Variants in NKD1 observed in about 807,000 individuals in gnomAD.
NKD1 encodes the protein protein naked cuticle homolog 1.
Under a neutral mutation model 56.0 loss-of-function variants are expected in NKD1, and 21 were observed. The ratio of observed to expected loss-of-function variants is 0.38; its 90% confidence interval spans 0.27 to 0.54. NKD1 has a LOEUF of 0.54. Among genes scored for constraint, NKD1 ranks in the 20% least tolerant of loss-of-function variants. The pLI, the probability that NKD1 is intolerant of heterozygous loss-of-function variation, is 0.82. For synonymous variants in NKD1, 263 were observed against 265.7 expected (o/e 0.99, Z 0.10); for missense variants, 578 against 642.7 (o/e 0.90, Z 1.09).
At chr16:50,566,129 T>TGGTTAAGTA (rs1960753734) in intron 3 of NKD1, 1 of 984,858 alleles carries the variant, frequency 1.0e-6, no homozygotes. Context: ...GGGGAGCTTG[T>TGGTTAAGTA]GGTTAAGTAG....
At chr16:50,579,312 C>T (rs1254839400) in intron 3 of NKD1, among the ~76,000 whole-genome samples, 5 of 148,284 alleles carry the variant, frequency 3.4e-5, no homozygotes, top group African/African-American at 1.3e-4. Flanking sequence ...GCGGGCTACC[C>T]GCTACACACG....
At chr16:50,603,433 G>A (rs986501260) in intron 3 of NKD1, among the ~76,000 whole-genome samples, 1 of 152,234 alleles carries the variant, frequency 6.6e-6, no homozygotes, top group Non-Finnish European at 1.5e-5. Flanking sequence ...CAGCTCCAGG[G>A]TAGGCTGCTC....
At chr16:50,620,215 C>T (rs890201879) in intron 4 of NKD1, among the ~76,000 whole-genome samples, 10 of 152,270 alleles carry the variant, frequency 6.6e-5, no homozygotes, top group Non-Finnish European at 1.0e-4. Context: ...GCTCCCAGTT[C>T]GCAGGACCAG....
intron 3 of NKD1, among the ~76,000 whole-genome samples, chr16:50,570,409 T>A (rs1231727156): frequency 6.6e-6 from 1 of 152,144 alleles, no homozygotes; most frequent in Admixed American, 6.5e-5. Context: ...GATATTAAAA[T>A]GTTATGGTCT....
At chr16:50,607,168 G>T in intron 3 of NKD1, 1 of 356,632 alleles carries the variant, frequency 2.8e-6, no homozygotes, top group Non-Finnish European at 5.6e-6. Context: ...AGATTTGAAA[G>T]AAGAAAGAGA....
At chr16:50,589,131 T>C (rs1961293784) in intron 3 of NKD1, among the ~76,000 whole-genome samples, 1 of 152,166 alleles carries the variant, frequency 6.6e-6, no homozygotes, top group African/African-American at 2.4e-5. Flanking sequence ...AGCACTCAGA[T>C]CTTCCTCGTT....
chr16:50,572,132 TCTC>T (rs1371367542), intron 3 of NKD1, among the ~76,000 whole-genome samples: 7 of 152,292 alleles, frequency 4.6e-5, no homozygotes, highest in East Asian at 3.9e-4. Flanking sequence ...TGTGGTTCCT[TCTC>T]CTAACATCCT....
chr16:50,614,560 T>C (rs1961920230), intron 4 of NKD1, among the ~76,000 whole-genome samples: 1 of 152,168 alleles, frequency 6.6e-6, no homozygotes, highest in Non-Finnish European at 1.5e-5. Context: ...GGAAGAAAGT[T>C]CCCAGGTCAC....
chr16:50,615,813 C>T (rs1567349947), intron 4 of NKD1, among the ~76,000 whole-genome samples: 1 of 152,234 alleles, frequency 6.6e-6, no homozygotes, highest in Non-Finnish European at 1.5e-5. Context: ...TGTGGTACTA[C>T]TAACTTCACC....
chr16:50,620,531 AGCC>A (rs1454863877), intron 4 of NKD1, among the ~76,000 whole-genome samples: 8 of 152,120 alleles, frequency 5.3e-5, no homozygotes, highest in Admixed American at 2.6e-4. Context: ...CCGGAGTAGG[AGCC>A]AGGCTGTTTC....
intron 3 of NKD1, chr16:50,571,122 C>A: frequency 2.3e-6 from 1 of 437,114 alleles, no homozygotes; most frequent in Non-Finnish European, 3.0e-6. Flanking sequence ...TGCCCATGGC[C>A]TGCTCAACAC....
chr16:50,561,485 C>A (rs369702212), intron 3 of NKD1, among the ~76,000 whole-genome samples: 1 of 151,864 alleles, frequency 6.6e-6, no homozygotes, highest in Non-Finnish European at 1.5e-5. Flanking sequence ...GGAGGGTCAA[C>A]TTGTCTGTGG....
chr16:50,548,907 C>T, intron 2 of NKD1, 158 bp downstream of exon 2: 1 of 846,560 alleles, frequency 1.2e-6, no homozygotes, highest in Non-Finnish European at 1.4e-6. Context: ...AGCCTTCGCG[C>T]CCCCTCCTCT....
chr16:50,611,420 C>T (rs1961844764), intron 4 of NKD1, among the ~76,000 whole-genome samples: 1 of 146,024 alleles, frequency 6.8e-6, no homozygotes, highest in African/African-American at 2.8e-5. Context: ...AGCCCCTCCT[C>T]CTCGGGACCA....
At position 50,637,271 on chromosome 16, in the gene NKD1, A is replaced by G. The variant is rs1012106146; in HGVS notation, c.*3490A>G. The G allele has an allele frequency of 1.3e-5, 2 of 152,218 alleles. No homozygotes were observed. Among genetic ancestry groups the G allele is most frequent in the Admixed American group, 1.3e-4 (2 of 15,280 alleles). The allele number at this position is 152,218 out of a possible 1,614,324, so 9.4% of individuals were successfully genotyped here. A position where few individuals can be genotyped will look rare whatever the true frequency, so the allele number is the denominator to read the frequency against. On this transcript the variant is annotated 3_prime_UTR_variant, in exon 10 of 10. Transcript: ENST00000268459. ...TTGATGAGATTGTACATGACCTCTA[A>G]AAGAGGTTATACTGGCCGGGCACGG... is the stretch of plus-strand genomic sequence containing the variant.
At chr16:50,589,692 CTTT>C (rs1961307025) in intron 3 of NKD1, among the ~76,000 whole-genome samples, 1 of 144,496 alleles carries the variant, frequency 6.9e-6, no homozygotes, top group Non-Finnish European at 1.5e-5. Flanking sequence ...GCTTTCTTTT[CTTT>C]TCTCTTCTCT....
chr16:50,582,990 C>T (rs939559371), intron 3 of NKD1, among the ~76,000 whole-genome samples: 7 of 152,044 alleles, frequency 4.6e-5, no homozygotes, highest in East Asian at 1.9e-4. Context: ...CTGGCGACAG[C>T]GCGAGACTCC....
At chr16:50,548,661 C>A in intron 1 of NKD1, 56 bp from the exon 2 acceptor site, 1 of 1,465,560 alleles carries the variant, frequency 6.8e-7, no homozygotes, top group East Asian at 3.0e-5. Flanking sequence ...TCCTTTCTTT[C>A]CTTCTCCCGC....
At chr16:50,592,800 A>G (rs1446682914) in intron 3 of NKD1, among the ~76,000 whole-genome samples, 3 of 150,762 alleles carry the variant, frequency 2.0e-5, no homozygotes, top group Non-Finnish European at 4.4e-5. Flanking sequence ...GCGGAATTGA[A>G]GGCATGGGCT....
Sources: allele counts gnomAD v4.1 joint callset (sites outside exome capture counted in the v4.1 genomes callset), GRCh38; gene constraint gnomAD v4.1.1; transcripts MANE v1.5; gene names NCBI Gene and HGNC (gene_info 2026-07-23, HGNC 2026-07-21).